Variants in TRIO observed in about 807,000 individuals in gnomAD.
TRIO encodes trio Rho guanine nucleotide exchange factor, also known as triple functional domain protein.
TRIO carries 58 observed loss-of-function variants against 351.9 expected under a neutral mutation model. That is an observed-to-expected ratio of 0.16 (90% CI 0.13 to 0.21). The LOEUF is 0.21. TRIO is among the 10% of genes least tolerant of loss of function. TRIO has a pLI of 1.00. For synonymous variants in TRIO, 1,758 were observed against 1,595.7 expected, an observed-to-expected ratio of 1.10 and a Z score of -2.42; for missense variants, 3,201 against 4,027.8, an observed-to-expected ratio of 0.79 and a Z score of 5.56.
At chr5:14,252,833 T>C (rs919921242) in intron 1 of TRIO, among the ~76,000 whole-genome samples, 14 of 151,450 alleles carry the variant, frequency 9.2e-5, no homozygotes, top group African/African-American at 2.4e-4. Context: ...GTGCCATTCA[T>C]TGAGGGAGAG....
intron 1 of TRIO, among the ~76,000 whole-genome samples, chr5:14,172,289 G>A (rs1158078131): frequency 6.6e-6 from 1 of 152,210 alleles, no homozygotes; most frequent in Non-Finnish European, 1.5e-5. Context: ...CCCCTGAGAA[G>A]CAGGAAGTGC....
At position 14,488,202 on chromosome 5, in the gene TRIO, G is replaced by A. The variant is rs1756164006; in HGVS notation, c.7574G>A (p.Arg2525His). The A allele has an allele frequency of 1.3e-6, 2 of 1,595,626 alleles. No individual in the cohort carries two copies. Among genetic ancestry groups the A allele is most frequent in the Non-Finnish European group, 1.7e-6 (2 of 1,177,470 alleles). ...RHAAPGKDTD[R>H]MSTCSSASEQ... ...GCGGCCCCTGGCAAGGATACTGACC[G>A]CATGAGCACGTGCTCCTCGGCCAGC... is the stretch of plus-strand genomic sequence containing the variant. The change falls in exon 48 of 57, where the codon CGC becomes CAC. Residue 2525 changes from arginine (R) to histidine (H), a missense_variant. Arg to His is a conservative substitution (Grantham distance 29, BLOSUM62 0). Coordinates refer to ENST00000344204, the MANE Select transcript of TRIO (RefSeq NM_007118.4).
intron 34 of TRIO, among the ~76,000 whole-genome samples, chr5:14,458,898 G>A (rs1431430674): frequency 1.3e-5 from 2 of 152,176 alleles, no homozygotes; most frequent in Non-Finnish European, 2.9e-5. Flanking sequence ...CACACCGAAG[G>A]AAAGTGAGAC....
intron 42 of TRIO, 107 bp from the exon 43 acceptor site, chr5:14,479,812 C>A: frequency 2.0e-6 from 2 of 983,548 alleles, no homozygotes; most frequent in Non-Finnish European, 3.0e-6. Context: ...TTTTTTTCCT[C>A]GTTACTTTTA....
intron 1 of TRIO, among the ~76,000 whole-genome samples, chr5:14,182,653 G>T (rs927121819): frequency 6.6e-6 from 1 of 152,162 alleles, no homozygotes; most frequent in African/African-American, 2.4e-5. Context: ...TACACTTGCT[G>T]TACTTTTTCT....
At chr5:14,224,653 GA>G (rs199550635) in intron 1 of TRIO, among the ~76,000 whole-genome samples, 1 of 138,714 alleles carries the variant, frequency 7.2e-6, no homozygotes, top group South Asian at 2.6e-4. Context: ...AAGCTTTACA[GA>G]AGAGGCAAAG....
intron 34 of TRIO, among the ~76,000 whole-genome samples, chr5:14,442,746 T>C (rs1752165560): frequency 6.6e-6 from 1 of 152,216 alleles, no homozygotes; most frequent in Non-Finnish European, 1.5e-5. Context: ...GCATCTGCTC[T>C]CCTAATTTAA....
chr5:14,404,042 G>T (rs1160844085), intron 31 of TRIO, among the ~76,000 whole-genome samples: 5 of 137,356 alleles, frequency 3.6e-5, no homozygotes, highest in African/African-American at 1.6e-4. Context: ...GGTGGTGAGG[G>T]TGTAGGTTGT....
chr5:14,278,280 A>G (rs941522277), intron 2 of TRIO, among the ~76,000 whole-genome samples: 14 of 152,240 alleles, frequency 9.2e-5, no homozygotes, highest in African/African-American at 3.4e-4. Flanking sequence ...CGCATTGTGC[A>G]AACTACTGAC....
chr5:14,193,272 A>G (rs1790559552), intron 1 of TRIO, among the ~76,000 whole-genome samples: 1 of 151,472 alleles, frequency 6.6e-6, no homozygotes, highest in Non-Finnish European at 1.5e-5. Context: ...CAGTATTATT[A>G]TTTGTATTCA....
intron 1 of TRIO, among the ~76,000 whole-genome samples, chr5:14,172,596 CA>C (rs1410925050): frequency 1.3e-5 from 2 of 152,134 alleles, no homozygotes; most frequent in South Asian, 4.1e-4. Flanking sequence ...GTCACAATAA[CA>C]GGGGGGATGA....
chr5:14,345,153 AT>A (rs1742302841), intron 11 of TRIO, among the ~76,000 whole-genome samples: 1 of 152,172 alleles, frequency 6.6e-6, no homozygotes, highest in Non-Finnish European at 1.5e-5. Flanking sequence ...AATTTATACA[AT>A]TTTTATTTGT....
At position 14,467,640 on chromosome 5, in the gene TRIO, G is replaced by A. The variant is rs147522344; in HGVS notation, c.5763+2000G>A. Among the ~76,000 whole-genome samples, 1,084 of 152,082 alleles carry A rather than the reference G, an allele frequency of 7.1e-3. 11 individuals are homozygous for A. The highest frequency in any genetic ancestry group is 0.017 in the Middle Eastern group (5 of 294). ...AGACCAGCCTGGGAAACACGAGACC[G>A]CATCTCTACAAAAAAATACAAAAAT... On this transcript the variant is annotated intron_variant, in intron 37 of 56. Transcript: ENST00000344204.
At chr5:14,199,641 A>C (rs898893433) in intron 1 of TRIO, among the ~76,000 whole-genome samples, 1 of 152,194 alleles carries the variant, frequency 6.6e-6, no homozygotes, top group Non-Finnish European at 1.5e-5. Context: ...CCTAATGACC[A>C]TCTCCTTTTT....
At chr5:14,446,153 G>T (rs562955164) in intron 34 of TRIO, among the ~76,000 whole-genome samples, 249 of 145,584 alleles carry the variant, frequency 1.7e-3, no homozygotes, top group Non-Finnish European at 3.1e-3. Flanking sequence ...TCCCTCCCTC[G>T]CTCCCTTCCT....
At chr5:14,475,803 G>T (rs888271560) in intron 40 of TRIO, among the ~76,000 whole-genome samples, 2 of 151,836 alleles carry the variant, frequency 1.3e-5, no homozygotes, top group Non-Finnish European at 2.9e-5. Context: ...TGACCAGACA[G>T]ACACTGTATC....
At chr5:14,180,033 G>A (rs527400588) in intron 1 of TRIO, among the ~76,000 whole-genome samples, 3 of 146,772 alleles carry the variant, frequency 2.0e-5, no homozygotes, top group Non-Finnish European at 1.5e-5. Context: ...CCCAGGAGGC[G>A]GAGGTTGCAG....
chr5:14,231,444 A>C (rs1049287195), intron 1 of TRIO, among the ~76,000 whole-genome samples: 6 of 152,240 alleles, frequency 3.9e-5, no homozygotes, highest in Admixed American at 3.9e-4. Flanking sequence ...ACCAGAGGGA[A>C]TATACATTTT....
chr5:14,190,968 G>A (rs1225763542), intron 1 of TRIO, among the ~76,000 whole-genome samples: 1 of 151,094 alleles, frequency 6.6e-6, no homozygotes, highest in East Asian at 1.9e-4. Context: ...ACTCTCCCCT[G>A]AGATTGATAT....
Sources: allele counts gnomAD v4.1 joint callset (sites outside exome capture counted in the v4.1 genomes callset), GRCh38; gene constraint gnomAD v4.1.1; transcripts MANE v1.5; gene names NCBI Gene and HGNC (gene_info 2026-07-23, HGNC 2026-07-21).